The following CNTNAP5 variants were observed in gnomAD, a reference collection of about 807,000 sequenced individuals.
CNTNAP5 encodes contactin-associated protein-like 5.
CNTNAP5 carries 72 observed loss-of-function variants against 150.2 expected under a neutral mutation model. The ratio of observed to expected loss-of-function variants is 0.48; its 90% CI spans 0.40 to 0.58. The LOEUF is 0.58. CNTNAP5 is among the 20% of genes least tolerant of loss of function. CNTNAP5 has a pLI of 0.00. For synonymous variants in CNTNAP5, 672 were observed against 619.8 expected (o/e 1.08, Z -1.25); for missense variants, 1,636 against 1,626.2 (o/e 1.01, Z -0.10).
At chr2:124,355,111 A>T (rs1689964338) in intron 3 of CNTNAP5, among the ~76,000 whole-genome samples, 1 of 151,280 alleles carries the variant, frequency 6.6e-6, no homozygotes, top group Admixed American at 6.6e-5. Flanking sequence ...TTCTAATTAC[A>T]TATGCTTTGT....
intron 1 of CNTNAP5, among the ~76,000 whole-genome samples, chr2:124,155,685 T>C (rs118114361): frequency 6.6e-6 from 1 of 152,328 alleles, no homozygotes; most frequent in East Asian, 1.9e-4. Context: ...TGTAGATATA[T>C]ATTTAACATG....
intron 19 of CNTNAP5, among the ~76,000 whole-genome samples, chr2:124,846,259 G>A (rs1471122908): frequency 6.6e-6 from 1 of 151,952 alleles, no homozygotes; most frequent in African/African-American, 2.4e-5. Flanking sequence ...TGATTTCATT[G>A]GTGGCTTTGT....
chr2:124,521,335 T>A (rs1356748210), intron 8 of CNTNAP5, among the ~76,000 whole-genome samples: 2 of 152,048 alleles, frequency 1.3e-5, no homozygotes, highest in Non-Finnish European at 2.9e-5. Flanking sequence ...CTGCAGGCAT[T>A]GGGGAACATG....
chr2:124,860,222 C>T (rs533996900), intron 19 of CNTNAP5, among the ~76,000 whole-genome samples: 44 of 151,842 alleles, frequency 2.9e-4, no homozygotes, highest in Admixed American at 2.4e-3. Flanking sequence ...TGGTGGTGGG[C>T]GCCTGTAGTC....
intron 13 of CNTNAP5, among the ~76,000 whole-genome samples, chr2:124,737,315 G>A (rs376653743): frequency 1.3e-4 from 20 of 151,160 alleles, no homozygotes; most frequent in African/African-American, 3.9e-4. Flanking sequence ...AATTGGGAAC[G>A]ATAGCGTGAT....
intron 3 of CNTNAP5, among the ~76,000 whole-genome samples, chr2:124,266,937 A>G (rs916527080): frequency 1.3e-5 from 2 of 151,700 alleles, no homozygotes; most frequent in African/African-American, 2.4e-5. Flanking sequence ...TAAGCATAAT[A>G]TAGATTTATT....
intron 22 of CNTNAP5, among the ~76,000 whole-genome samples, chr2:124,905,651 G>T (rs763902842): frequency 2.6e-5 from 4 of 152,060 alleles, no homozygotes; most frequent in African/African-American, 7.2e-5. Context: ...CAGTTCTCAA[G>T]AAAAAGAGAT....
intron 3 of CNTNAP5, among the ~76,000 whole-genome samples, chr2:124,380,492 C>A (rs2104737087): frequency 6.6e-6 from 1 of 152,290 alleles, no homozygotes; most frequent in Non-Finnish European, 1.5e-5. Context: ...AGGAGCCTAG[C>A]CTAAGTCCAT....
At chr2:124,337,653 T>C (rs1689507818) in intron 3 of CNTNAP5, among the ~76,000 whole-genome samples, 1 of 152,202 alleles carries the variant, frequency 6.6e-6, no homozygotes, top group Non-Finnish European at 1.5e-5. Flanking sequence ...TTTCCTGTTT[T>C]TGTCAGGCTT....
At chr2:124,276,301 C>T (rs1687882484) in intron 3 of CNTNAP5, among the ~76,000 whole-genome samples, 1 of 152,160 alleles carries the variant, frequency 6.6e-6, no homozygotes, top group African/African-American at 2.4e-5. Flanking sequence ...ATCAGGCACA[C>T]TTCAAATATG....
In CNTNAP5 at chr2:124,321,443, C is replaced by CA. The variant is rs5834060; in HGVS notation, c.381+79063dup. On this transcript the variant is annotated intron_variant, in intron 3 of 23. Coordinates refer to ENST00000682447, the MANE Select transcript of CNTNAP5 (RefSeq NM_001367498.1). ...GGGCAACAAGAGCGAAACTCTATCTCAAAAAAAAAAAAAGAAAAAGAAAAA... is the reference window on the plus strand; with the variant it reads ...GGGCAACAAGAGCGAAACTCTATCTCAAAAAAAAAAAAAAGAAAAAGAAAAA... Among the ~76,000 whole-genome samples, 1,084 of 132,740 alleles carry CA rather than the reference C, an allele frequency of 8.2e-3. 8 individuals carry two copies. Among genetic ancestry groups the CA allele is most frequent in the East Asian group, 0.02 (83 of 4,200 alleles). The allele number at this position is 132,740 out of a possible 152,430, so 87.1% of individuals were successfully genotyped here. A position where few individuals can be genotyped will look rare whatever the true frequency, so the allele number is the denominator to read the frequency against.
intron 5 of CNTNAP5, among the ~76,000 whole-genome samples, chr2:124,438,098 A>G (rs775264730): frequency 1.3e-4 from 20 of 152,270 alleles, no homozygotes; most frequent in African/African-American, 2.4e-4. Context: ...TTTACATTAC[A>G]TAGTTACCCT....
chr2:124,774,600 A>G (rs1379436334), intron 17 of CNTNAP5, among the ~76,000 whole-genome samples: 1 of 152,230 alleles, frequency 6.6e-6, no homozygotes, highest in South Asian at 2.1e-4. Flanking sequence ...CTATTTAAAC[A>G]TCACATTTTG....
Position 124,315,090 on chromosome 2 carries a change from G to C in CNTNAP5, c.381+72697G>C, listed in dbSNP as rs562677183. 6.6e-5 allele frequency among the ~76,000 whole-genome samples: 10 copies of C among 151,860 alleles called. No individual in the cohort carries two copies. In the South Asian group the frequency reaches 1.9e-3, roughly 28 times the overall value. On this transcript the variant is annotated intron_variant, in intron 3 of 23. Coordinates refer to ENST00000682447, the MANE Select transcript of CNTNAP5 (RefSeq NM_001367498.1). The stretch of plus-strand genomic sequence containing the variant: ...GAAGTCCTGGGCTCAAGCCTCCCTA[G>C]TAGCTGAGACTCCAGGCACATGCCA...
intron 7 of CNTNAP5, among the ~76,000 whole-genome samples, chr2:124,485,178 G>T (rs544099334): frequency 6.6e-6 from 1 of 152,222 alleles, no homozygotes; most frequent in East Asian, 1.9e-4. Context: ...CAGGTAAATA[G>T]GACTCCAAGT....
intron 21 of CNTNAP5, among the ~76,000 whole-genome samples, chr2:124,893,233 T>C (rs1320198052): frequency 1.3e-5 from 2 of 152,112 alleles, no homozygotes; most frequent in Non-Finnish European, 2.9e-5. Flanking sequence ...ATGTCTTTTG[T>C]TTCCATTTCT....
chr2:124,145,811 T>TAAAAAAAAAA (rs761766577), intron 1 of CNTNAP5, among the ~76,000 whole-genome samples: 4 of 12,790 alleles, frequency 3.1e-4, no homozygotes, highest in Non-Finnish European at 5.5e-4. Context: ...AAAAAAAACA[T>TAAAAAAAAAA]TAAAAAAAAA....
intron 1 of CNTNAP5, among the ~76,000 whole-genome samples, chr2:124,104,808 C>A (rs1460632352): frequency 6.6e-6 from 1 of 152,180 alleles, no homozygotes; most frequent in Admixed American, 6.5e-5. Context: ...CCATTCAAAA[C>A]AGCATAGGAG....
At chr2:124,412,262 C>G (rs1418907786) in intron 3 of CNTNAP5, among the ~76,000 whole-genome samples, 13 of 149,648 alleles carry the variant, frequency 8.7e-5, no homozygotes, top group African/African-American at 3.2e-4. Flanking sequence ...ATTCCATGCT[C>G]ATGGGTAGGA....
Sources: gnomAD v4.1 joint callset for allele counts (sites outside exome capture counted in the v4.1 genomes callset) on GRCh38, gnomAD v4.1.1 for gene constraint, MANE v1.5 for transcripts, NCBI Gene and HGNC (gene_info 2026-07-23, HGNC 2026-07-21) for gene names.